CNTN4: variants seen among roughly 807,000 people sequenced by gnomAD.
CNTN4 encodes contactin-4.
In CNTN4, 77 loss-of-function variants were observed where a neutral mutation model predicts 122.5. The observed-to-expected ratio is 0.63, with a 90% CI of 0.52 to 0.76. The LOEUF (loss-of-function observed/expected upper bound fraction) is 0.76, where lower values mean the gene tolerates loss of function less well. CNTN4 is among the 30% of genes least tolerant of loss of function. The pLI, the probability that CNTN4 is intolerant of heterozygous loss-of-function variation, is 0.00. For missense variants in CNTN4, 1,256 were observed against 1,259.1 expected (o/e 1.00, Z 0.04); for synonymous variants, 512 against 447.0 (o/e 1.15, Z -1.83).
chr3:2,136,080 A>T (rs1006228345), intron 2 of CNTN4, among the ~76,000 whole-genome samples: 1 of 152,194 alleles, frequency 6.6e-6, no homozygotes, highest in Non-Finnish European at 1.5e-5. Flanking sequence ...ACCCCAGGTC[A>T]ATCTAGTCAG....
At chr3:2,493,883 G>T (rs1261016783) in intron 3 of CNTN4, among the ~76,000 whole-genome samples, 5 of 152,080 alleles carry the variant, frequency 3.3e-5, no homozygotes, top group Non-Finnish European at 7.4e-5. Flanking sequence ...TTGATGACTG[G>T]AGCTTTAGTG....
Position 3,054,768 on chromosome 3 carries a change from G to A in CNTN4, c.2980+793G>A, listed in dbSNP as rs987080623. 5.7e-4 allele frequency among the ~76,000 whole-genome samples: 87 copies of A among 152,180 alleles called. 1 individual carries two copies. The highest frequency in any genetic ancestry group is 2.2e-4 in the Non-Finnish European group (15 of 68,030). On this transcript the variant is annotated intron_variant, in intron 24 of 24. Transcript: ENST00000418658. Reference sequence around the variant, plus strand: ...AAAAGTTATGGAGCTTGAGAGTGGTGCTGGTTGCACAACACTGGAGTATAC... The same window carrying A: ...AAAAGTTATGGAGCTTGAGAGTGGTACTGGTTGCACAACACTGGAGTATAC...
chr3:2,167,833 C>A (rs2036270074), intron 2 of CNTN4, among the ~76,000 whole-genome samples: 1 of 152,136 alleles, frequency 6.6e-6, no homozygotes, highest in Non-Finnish European at 1.5e-5. Context: ...GTTTGAGAAC[C>A]CCTGGTTTGA....
At chr3:3,008,622 G>A (rs557627318) in intron 14 of CNTN4, among the ~76,000 whole-genome samples, 2 of 152,186 alleles carry the variant, frequency 1.3e-5, no homozygotes, top group East Asian at 3.9e-4. Flanking sequence ...ACCTCCCTAA[G>A]TCGTTCCGTG....
intron 6 of CNTN4, among the ~76,000 whole-genome samples, chr3:2,782,308 A>T (rs991272282): frequency 1.3e-5 from 2 of 151,578 alleles, no homozygotes; most frequent in Non-Finnish European, 2.9e-5. Context: ...GGGGCCTTAG[A>T]ATTTTATTTG....
At chr3:2,706,310 G>A (rs2086733803) in intron 4 of CNTN4, among the ~76,000 whole-genome samples, 1 of 151,950 alleles carries the variant, frequency 6.6e-6, no homozygotes, top group South Asian at 2.1e-4. Context: ...CATCCACTCA[G>A]ACTACACTCC....
chr3:2,872,794 C>G (rs1165672343), intron 8 of CNTN4, among the ~76,000 whole-genome samples: 1 of 152,008 alleles, frequency 6.6e-6, no homozygotes, highest in African/African-American at 2.4e-5. Flanking sequence ...GATATATTGT[C>G]TTTGGGGGTT....
rs143431860 is a variant in CNTN4, at chr3:2,316,241, A to T, written c.-144-22937A>T. The stretch of plus-strand genomic sequence containing the variant: ...AGATATTAAGTACTCTAGCAGATAG[A>T]GTCTTTTATTTTATTTGATCTCTAT... On this transcript the variant is annotated intron_variant, in intron 2 of 24. Coordinates refer to ENST00000418658, the MANE Select transcript of CNTN4 (RefSeq NM_175607.3). Among the ~76,000 whole-genome samples the T allele has an allele frequency of 4.7e-4, 72 of 152,188 alleles. No individual in the cohort carries two copies. In the East Asian group the frequency reaches 0.013, roughly 28 times the overall value.
intron 2 of CNTN4, among the ~76,000 whole-genome samples, chr3:2,145,947 G>GTTTT (rs11425675): frequency 2.0e-5 from 3 of 148,728 alleles, no homozygotes; most frequent in Non-Finnish European, 3.0e-5. Context: ...ATCATTCTTA[G>GTTTT]TTTTTTTTTT....
intron 7 of CNTN4, among the ~76,000 whole-genome samples, chr3:2,844,196 G>A (rs1017747900): frequency 3.9e-5 from 6 of 152,120 alleles, no homozygotes; most frequent in African/African-American, 9.6e-5. Flanking sequence ...ACCCCTTCCC[G>A]ATATTTTTCA....
chr3:2,683,830 C>T (rs1459336757), intron 4 of CNTN4, among the ~76,000 whole-genome samples: 1 of 152,146 alleles, frequency 6.6e-6, no homozygotes, highest in South Asian at 2.1e-4. Context: ...TTATCACCAC[C>T]TGCCATAGAA....
chr3:2,154,257 C>T (rs11710873), intron 2 of CNTN4, among the ~76,000 whole-genome samples: 31,140 of 151,502 alleles, frequency 0.21, 3,361 homozygotes, highest in South Asian at 0.26. Context: ...TGGTGGTGGG[C>T]GCCTGTAATC....
intron 2 of CNTN4, among the ~76,000 whole-genome samples, chr3:2,293,008 A>C (rs1399976451): frequency 6.6e-6 from 1 of 152,236 alleles, no homozygotes; most frequent in African/African-American, 2.4e-5. Flanking sequence ...TTACACTGTT[A>C]CCAACAATGC....
intron 4 of CNTN4, among the ~76,000 whole-genome samples, chr3:2,633,471 T>C (rs2619579): frequency 0.76 from 115,921 of 152,196 alleles, 44,739 homozygotes; most frequent in East Asian, 0.92. Flanking sequence ...TTCAGCATGG[T>C]GGACTTTGGG....
chr3:2,420,262 A>T (rs950492288), intron 3 of CNTN4, among the ~76,000 whole-genome samples: 7 of 152,150 alleles, frequency 4.6e-5, no homozygotes, highest in African/African-American at 1.7e-4. Flanking sequence ...GCTTCATATA[A>T]GGAGAAAGAA....
chr3:2,245,869 A>G (rs1164959867), intron 2 of CNTN4, among the ~76,000 whole-genome samples: 1 of 152,012 alleles, frequency 6.6e-6, no homozygotes, highest in East Asian at 1.9e-4. Context: ...ATGAATTCGT[A>G]CTTAAATCCT....
At chr3:2,252,535 A>C (rs148807201) in intron 2 of CNTN4, among the ~76,000 whole-genome samples, 127 of 152,156 alleles carry the variant, frequency 8.3e-4, no homozygotes, top group African/African-American at 2.9e-3. Context: ...ATTAGAAGAG[A>C]TTTATTGGAA....
At chr3:2,324,857 T>C (rs1159075593) in intron 2 of CNTN4, among the ~76,000 whole-genome samples, 1 of 151,636 alleles carries the variant, frequency 6.6e-6, no homozygotes, top group Non-Finnish European at 1.5e-5. Flanking sequence ...TAAGGAGTGC[T>C]CCCCCCACCT....
At chr3:2,138,469 G>A (rs1462439181) in intron 2 of CNTN4, among the ~76,000 whole-genome samples, 1 of 152,118 alleles carries the variant, frequency 6.6e-6, no homozygotes, top group East Asian at 1.9e-4. Context: ...ACTGTATCAT[G>A]GGGTGCCTGG....
Sources: allele counts gnomAD v4.1 joint callset (sites outside exome capture counted in the v4.1 genomes callset), GRCh38; gene constraint gnomAD v4.1.1; transcripts MANE v1.5; gene names NCBI Gene and HGNC (gene_info 2026-07-23, HGNC 2026-07-21).